The following NEBL variants were observed in gnomAD, a reference collection of about 807,000 sequenced individuals.
The protein encoded by NEBL is nebulette, also known as LIM and SH3 protein 2.
A neutral mutation model predicts 140.2 loss-of-function variants in NEBL; 122 were observed. The ratio of observed to expected loss-of-function variants is 0.87; its 90% CI spans 0.75 to 1.01. The LOEUF (loss-of-function observed/expected upper bound fraction) is 1.01, where lower values mean the gene tolerates loss of function less well. Among genes scored for constraint, NEBL ranks in the 50% least tolerant of loss-of-function variants. NEBL has a pLI of 0.00. For missense variants in NEBL, 1,365 were observed against 1,231.3 expected, an observed-to-expected ratio of 1.11 and a Z score of -1.62; for synonymous variants, 436 against 398.9, an observed-to-expected ratio of 1.09 and a Z score of -1.11.
intron 3 of NEBL, among the ~76,000 whole-genome samples, chr10:21,210,598 T>G (rs1011630204): frequency 9.9e-5 from 15 of 152,218 alleles, no homozygotes; most frequent in African/African-American, 3.6e-4. Context: ...ATCATACAAT[T>G]AAATGTTTGT....
At chr10:20,870,338 A>AC (rs1489928617) in intron 5 of NEBL, among the ~76,000 whole-genome samples, 1 of 151,828 alleles carries the variant, frequency 6.6e-6, no homozygotes, top group East Asian at 1.9e-4. Flanking sequence ...AAAAAAAAAA[A>AC]AAAAAAACTT....
At chr10:21,000,032 TA>T (rs1837826667) in intron 3 of NEBL, among the ~76,000 whole-genome samples, 1 of 151,776 alleles carries the variant, frequency 6.6e-6, no homozygotes, top group Admixed American at 6.6e-5. Context: ...TGGAAGGTTT[TA>T]AAAAATTAAG....
At chr10:21,250,830 T>G (rs1414241827) in intron 2 of NEBL, among the ~76,000 whole-genome samples, 1 of 151,964 alleles carries the variant, frequency 6.6e-6, no homozygotes, top group Non-Finnish European at 1.5e-5. Flanking sequence ...AAGGAGGAGG[T>G]TGCAGTGAGC....
chr10:20,815,759 T>C (rs753874523), intron 21 of NEBL, 42 bp from the exon 22 acceptor site: 1 of 1,328,004 alleles, frequency 7.5e-7, no homozygotes, highest in Non-Finnish European at 1.1e-6. Flanking sequence ...TATGAATCAA[T>C]TCAACAAAGA....
intron 12 of NEBL, among the ~76,000 whole-genome samples, 154 bp from the exon 13 acceptor site, chr10:20,841,003 C>A (rs1841368290): frequency 6.6e-6 from 1 of 152,046 alleles, no homozygotes; most frequent in Non-Finnish European, 1.5e-5. Flanking sequence ...TTCCTACAGA[C>A]ACTTCATTTT....
chr10:21,206,968 C>CTT lies in NEBL; in HGVS notation n.349-34493_349-34492dup, dbSNP rs1028716031. ...CCATATTATCATTTTCTTTTTCTTT[C>CTT]TTTTTTTTTTTTTTTTTTTTTTTTA... On this transcript the variant is annotated intron_variant and non_coding_transcript_variant, in intron 3 of 8. Transcript: ENST00000675702. Among the ~76,000 whole-genome samples, 303 of 99,062 alleles carry CTT rather than the reference C, an allele frequency of 3.1e-3. 3 individuals carry two copies. Among genetic ancestry groups the CTT allele is most frequent in the African/African-American group, 5.0e-3 (127 of 25,304 alleles). The allele number at this position is 99,062 out of a possible 152,430, so 65.0% of individuals were successfully genotyped here.
At chr10:21,106,258 G>T (rs758088272) in intron 2 of NEBL, among the ~76,000 whole-genome samples, 1 of 152,174 alleles carries the variant, frequency 6.6e-6, no homozygotes, top group Non-Finnish European at 1.5e-5. Context: ...TGGAGTCTTT[G>T]CCCATGCCTA....
At chr10:21,031,347 A>C (rs2131805580) in intron 2 of NEBL, among the ~76,000 whole-genome samples, 1 of 152,282 alleles carries the variant, frequency 6.6e-6, no homozygotes, top group South Asian at 2.1e-4. Context: ...TGCTCAAACA[A>C]AGAGGTTTCC....
intron 3 of NEBL, among the ~76,000 whole-genome samples, chr10:21,200,344 C>G (rs927769576): frequency 9.1e-6 from 1 of 109,838 alleles, no homozygotes; most frequent in Non-Finnish European, 1.7e-5. Context: ...GATGGAGTCT[C>G]GCTCTGTCTT....
rs145676258 is a variant in NEBL at position 20,883,203 on chromosome 10, A to G, written c.370-2299T>C. On this transcript the variant is annotated intron_variant, in intron 4 of 27. Transcript: ENST00000377122. Reference sequence around the variant, plus strand: ...ATTATTAACACATCCACGGACCACAACATTTTTCTTTTGATGGCTATGCTG... The same window carrying G: ...ATTATTAACACATCCACGGACCACAGCATTTTTCTTTTGATGGCTATGCTG... Among the ~76,000 whole-genome samples the G allele has an allele frequency of 7.2e-3, 1,092 of 152,234 alleles. 12 individuals are homozygous for G. Among genetic ancestry groups the G allele is most frequent in the African/African-American group, 0.023 (950 of 41,542 alleles).
chr10:21,038,041 A>G (rs1181154411), intron 2 of NEBL, among the ~76,000 whole-genome samples: 2 of 152,164 alleles, frequency 1.3e-5, no homozygotes, highest in African/African-American at 4.8e-5. Flanking sequence ...AGAGAGAGAG[A>G]GAAAAGTTTG....
intron 2 of NEBL, among the ~76,000 whole-genome samples, chr10:20,893,833 C>T (rs1847225905): frequency 6.6e-6 from 1 of 152,166 alleles, no homozygotes; most frequent in Non-Finnish European, 1.5e-5. Flanking sequence ...TAAAATAATT[C>T]AAACTATTAT....
intron 3 of NEBL, among the ~76,000 whole-genome samples, chr10:21,216,437 C>G (rs1016380182): frequency 6.6e-6 from 1 of 152,024 alleles, no homozygotes. Flanking sequence ...GGGAAGATCA[C>G]GAGGTCCGGA....
chr10:21,159,913 T>C (rs1840485798), intron 2 of NEBL, among the ~76,000 whole-genome samples: 1 of 152,236 alleles, frequency 6.6e-6, no homozygotes. Flanking sequence ...GTCATAAATA[T>C]TCCCCTGCTG....
intron 2 of NEBL, among the ~76,000 whole-genome samples, chr10:21,111,351 A>C (rs989424880): frequency 3.3e-5 from 5 of 152,170 alleles, no homozygotes; most frequent in African/African-American, 1.2e-4. Flanking sequence ...CTATACTACA[A>C]GGCTACAGTA....
intron 4 of NEBL, among the ~76,000 whole-genome samples, chr10:20,939,805 C>A (rs573802641): frequency 2.0e-5 from 3 of 152,148 alleles, no homozygotes; most frequent in African/African-American, 7.2e-5. Context: ...ATAAAGCAGA[C>A]TTTAAATGAA....
chr10:20,812,116 A>G (rs1359637680), intron 24 of NEBL, among the ~76,000 whole-genome samples: 2 of 152,204 alleles, frequency 1.3e-5, no homozygotes, highest in Non-Finnish European at 2.9e-5. Context: ...CAGAACGCCC[A>G]TGGCGTGTCT....
At chr10:21,190,796 C>A (rs775715707) in intron 3 of NEBL, among the ~76,000 whole-genome samples, 1 of 152,120 alleles carries the variant, frequency 6.6e-6, no homozygotes, top group African/African-American at 2.4e-5. Context: ...TAGAATAAAA[C>A]AAAATGCTAA....
intron 9 of NEBL, among the ~76,000 whole-genome samples, chr10:20,853,553 A>T (rs1205536244): frequency 6.6e-6 from 1 of 152,220 alleles, no homozygotes; most frequent in Non-Finnish European, 1.5e-5. Flanking sequence ...GAAATAAGCC[A>T]GGCACAGAAC....
Sources: allele counts gnomAD v4.1 joint callset (sites outside exome capture counted in the v4.1 genomes callset), GRCh38; gene constraint gnomAD v4.1.1; transcripts MANE v1.5; gene names NCBI Gene and HGNC (gene_info 2026-07-23, HGNC 2026-07-21).